Variants in SLCO1B1 observed in about 807,000 individuals in gnomAD.
The protein encoded by SLCO1B1 is solute carrier organic anion transporter family member 1B1.
SLCO1B1 carries 81 observed loss-of-function variants against 70.1 expected under a neutral mutation model. The observed-to-expected ratio is 1.16, with a 90% CI of 0.97 to 1.39. The LOEUF (loss-of-function observed/expected upper bound fraction) is 1.39, where lower values mean the gene tolerates loss of function less well. Among genes scored for constraint, SLCO1B1 ranks in the 40% most tolerant of loss-of-function variants. The pLI, the probability that SLCO1B1 is intolerant of heterozygous loss-of-function variation, is 0.00. For missense variants in SLCO1B1, 895 were observed against 799.6 expected (o/e 1.12, Z -1.44); for synonymous variants, 283 against 271.5 (o/e 1.04, Z -0.42).
intron 14 of SLCO1B1, among the ~76,000 whole-genome samples, chr12:21,238,633 A>C (rs1334455516): frequency 6.6e-6 from 1 of 152,060 alleles, no homozygotes; most frequent in Non-Finnish European, 1.5e-5. Flanking sequence ...TTATTATTTT[A>C]GTTATAATCC....
chr12:21,196,827 G>A (rs1164373795), intron 7 of SLCO1B1, 119 bp from the exon 8 acceptor site: 1 of 1,062,988 alleles, frequency 9.4e-7, no homozygotes, highest in East Asian at 2.4e-5. Flanking sequence ...AAAATTAAAA[G>A]AAAAAAATCG....
At chr12:21,194,307 G>A (rs531468485) in intron 7 of SLCO1B1, among the ~76,000 whole-genome samples, 13 of 152,244 alleles carry the variant, frequency 8.5e-5, no homozygotes, top group South Asian at 8.3e-4. Context: ...GTGAGCCACC[G>A]CGCCTGGCCT....
chr12:21,189,927 A>T (rs1440369439), intron 7 of SLCO1B1, among the ~76,000 whole-genome samples: 1 of 152,212 alleles, frequency 6.6e-6, no homozygotes, highest in Non-Finnish European at 1.5e-5. Context: ...GGTTAAGAAT[A>T]GTCACCCTGC....
intron 14 of SLCO1B1, among the ~76,000 whole-genome samples, chr12:21,234,234 G>T (rs1001212329): frequency 6.6e-6 from 1 of 151,994 alleles, no homozygotes; most frequent in Admixed American, 6.6e-5. Flanking sequence ...CTGGGAGGGG[G>T]CCACAGGATG....
chr12:21,236,498 C>A (rs1281483992), intron 14 of SLCO1B1, among the ~76,000 whole-genome samples: 1 of 152,146 alleles, frequency 6.6e-6, no homozygotes, highest in Non-Finnish European at 1.5e-5. Flanking sequence ...AGGCTGGCCA[C>A]CTAGTTGTCT....
At chr12:21,237,043 A>T (rs1274611037) in intron 14 of SLCO1B1, among the ~76,000 whole-genome samples, 1 of 152,168 alleles carries the variant, frequency 6.6e-6, no homozygotes, top group Non-Finnish European at 1.5e-5. Flanking sequence ...ATGTTGTGAG[A>T]CCAATGTTGA....
At chr12:21,186,569 A>C (rs900631250) in intron 7 of SLCO1B1, among the ~76,000 whole-genome samples, 1 of 152,136 alleles carries the variant, frequency 6.6e-6, no homozygotes, top group South Asian at 2.1e-4. Flanking sequence ...CGACATTACA[A>C]GAAAAAGTTG....
chr12:21,239,058 A>G lies in SLCO1B1; in HGVS notation c.1945A>G (p.Lys649Glu). 1.9e-6 allele frequency: 3 copies of G among 1,595,142 alleles called. No homozygotes were observed. The highest frequency in any genetic ancestry group is 2.6e-6 in the Non-Finnish European group (3 of 1,163,940). Residue 649 changes from lysine to glutamate, a missense_variant, in exon 15 of 15, where the codon AAA becomes GAA. Physicochemically the swap from Lys to Glu is moderately conservative, Grantham distance 56. Coordinates refer to ENST00000256958, the MANE Select transcript of SLCO1B1 (RefSeq NM_006446.5). Reference protein sequence around the residue: ...LYIILIYAMKKKYQEKDINAS... With the variant: ...LYIILIYAMKEKYQEKDINAS... ...TATTATATTAATTTATGCCATGAAG[A>G]AAAAATATCAAGAGAAAGATATCAA...
In SLCO1B1 at chr12:21,239,080, T is replaced by C; in HGVS notation, c.1967T>C (p.Ile656Thr). ...AAGAAAAAATATCAAGAGAAAGATA[T>C]CAATGCATCAGAAAATGGAAGTGTC... ...AMKKKYQEKDINASENGSVMD... is the reference protein window; with the variant it reads ...AMKKKYQEKDTNASENGSVMD... The change falls in exon 15 of 15, where the codon ATC (isoleucine) becomes ACC (threonine). Residue 656 changes from isoleucine (I) to threonine (T), a missense_variant. By Grantham distance (89) the Ile-to-Thr change is moderately conservative (BLOSUM62 -1). Coordinates refer to ENST00000256958, the MANE Select transcript of SLCO1B1 (RefSeq NM_006446.5). The C allele has an allele frequency of 6.3e-7, 1 of 1,598,504 alleles. No individual in the cohort carries two copies. The highest frequency in any genetic ancestry group is 8.6e-7 in the Non-Finnish European group (1 of 1,166,412).
chr12:21,152,533 C>CTTTTTTTTTT (rs71043250), intron 2 of SLCO1B1, among the ~76,000 whole-genome samples: 3,831 of 34,124 alleles, frequency 0.11, 1,282 homozygotes, highest in Middle Eastern at 0.22. Context: ...AGAGGAGAGG[C>CTTTTTTTTTT]TTTTTTTTTT....
rs1370952132 is a variant in SLCO1B1 at position 21,141,638 on chromosome 12, A to C, written c.64A>C (p.Arg22=). Residue 22 remains arginine (R), a synonymous_variant, in exon 2 of 15, where the codon AGA becomes CGA. Coordinates refer to ENST00000256958, the MANE Select transcript of SLCO1B1 (RefSeq NM_006446.5). The stretch of plus-strand genomic sequence containing the variant: ...ACAACCTTCAGAGAATAAGAAAACA[A>C]GATACTGCAATGGATTGAAGGTAGA... The part of the protein sequence containing the change: ...EAQPSENKKT[R]YCNGLKMFLA... 2 of 1,605,528 alleles carry C rather than the reference A, an allele frequency of 1.2e-6. No homozygotes were observed. The highest frequency in any genetic ancestry group is 1.7e-6 in the Non-Finnish European group (2 of 1,173,308).
At chr12:21,186,295 G>A (rs1940960921) in intron 7 of SLCO1B1, among the ~76,000 whole-genome samples, 3 of 152,080 alleles carry the variant, frequency 2.0e-5, no homozygotes, top group African/African-American at 7.2e-5. Context: ...CGTTACTGCT[G>A]TAATAATTTC....
chr12:21,231,448 G>C (rs11045884), intron 14 of SLCO1B1, among the ~76,000 whole-genome samples: 20,973 of 151,968 alleles, frequency 0.14, 1,717 homozygotes, highest in Non-Finnish European at 0.18. Context: ...CCCAAAAATG[G>C]TACCTCCTAT....
At chr12:21,174,552 C>A in intron 3 of SLCO1B1, 25 bp from the exon 4 acceptor site, 1 of 1,610,806 alleles carries the variant, frequency 6.2e-7, no homozygotes, top group South Asian at 1.1e-5. Flanking sequence ...TAAGCTGTAT[C>A]AACATAATTT....
chr12:21,136,622 T>A (rs549919198), intron 1 of SLCO1B1, among the ~76,000 whole-genome samples: 75 of 152,346 alleles, frequency 4.9e-4, no homozygotes, highest in Admixed American at 4.4e-3. Context: ...GTTGATCCTA[T>A]CAGCTACTGA....
At chr12:21,153,528 T>G (rs1352014630) in intron 2 of SLCO1B1, among the ~76,000 whole-genome samples, 3 of 152,148 alleles carry the variant, frequency 2.0e-5, no homozygotes, top group Admixed American at 6.6e-5. Context: ...GTCTCCCTGA[T>G]GTACTTAATA....
intron 4 of SLCO1B1, 103 bp downstream of exon 4, chr12:21,174,812 A>G: frequency 9.0e-7 from 1 of 1,112,534 alleles, no homozygotes; most frequent in Non-Finnish European, 1.3e-6. Flanking sequence ...TTACCTTTTG[A>G]GAAGATACCC....
rs1288383635 is a variant in SLCO1B1, at chr12:21,141,556, T to A, written c.-19T>A. On this transcript the variant is annotated 5_prime_UTR_variant, in exon 2 of 15. It removes an upstream start codon present in the reference 5' UTR. Transcript: ENST00000256958. The stretch of plus-strand genomic sequence containing the variant: ...AGCATCAACAACAAAAACATTTGTA[T>A]GATATCTATATTTCAATCATGGACC... 6.6e-7 allele frequency: 1 copy of A among 1,513,904 alleles called. No homozygotes were observed. Among genetic ancestry groups the A allele is most frequent in the African/African-American group, 1.4e-5 (1 of 72,960 alleles). 93.8% of individuals were successfully genotyped at this position (1,513,904 alleles called of 1,614,324 possible).
intron 5 of SLCO1B1, among the ~76,000 whole-genome samples, chr12:21,177,411 C>A (rs1940836251): frequency 1.3e-5 from 2 of 151,962 alleles, no homozygotes; most frequent in African/African-American, 4.8e-5. Context: ...TTGCAAAAGG[C>A]AAACTATTAT....
Sources: gnomAD v4.1 joint callset for allele counts (sites outside exome capture counted in the v4.1 genomes callset) on GRCh38, gnomAD v4.1.1 for gene constraint, MANE v1.5 for transcripts, NCBI Gene and HGNC (gene_info 2026-07-23, HGNC 2026-07-21) for gene names.